Variants in EML1 observed in about 807,000 individuals in gnomAD.
The protein encoded by EML1 is echinoderm microtubule-associated protein-like 1.
In EML1, 27 loss-of-function variants were observed where a neutral mutation model predicts 110.4. That is an observed-to-expected ratio of 0.24 (90% CI 0.18 to 0.34). The LOEUF (loss-of-function observed/expected upper bound fraction) is 0.34. Ranked by LOEUF, EML1 falls within the 10% of genes least tolerant of loss-of-function variation. The pLI is 1.00. For synonymous variants in EML1, 344 were observed against 385.8 expected, an observed-to-expected ratio of 0.89 and a Z score of 1.27; for missense variants, 741 against 1,030.9, an observed-to-expected ratio of 0.72 and a Z score of 3.85.
intron 2 of EML1, among the ~76,000 whole-genome samples, chr14:99,864,572 G>A (rs1040574656): frequency 2.0e-5 from 3 of 152,018 alleles, no homozygotes; most frequent in Non-Finnish European, 4.4e-5. Flanking sequence ...CCAACACTGG[G>A]AGGCCGAGGC....
intron 4 of EML1, among the ~76,000 whole-genome samples, chr14:99,883,029 C>T (rs73360319): frequency 0.031 from 4,705 of 152,154 alleles, 233 homozygotes; most frequent in African/African-American, 0.11. Context: ...CTCTTCAGGG[C>T]GCAAAGTTGT....
chr14:99,903,029 T>G (rs1186270172), intron 9 of EML1, among the ~76,000 whole-genome samples: 1 of 152,262 alleles, frequency 6.6e-6, no homozygotes, highest in East Asian at 1.9e-4. Flanking sequence ...TGCAATTAAC[T>G]ATATTGCCAT....
At position 99,878,518 on chromosome 14, in the gene EML1, G is replaced by T; in HGVS notation, c.417G>T (p.Val139=). 1 of 1,614,056 alleles carries T rather than the reference G, an allele frequency of 6.2e-7. No individual in the cohort carries two copies. Residue 139 remains valine, a synonymous_variant, in exon 4 of 22, where the codon GTG becomes GTT. Coordinates refer to ENST00000262233, the MANE Select transcript of EML1 (RefSeq NM_004434.3). ...AGAGGACCAGCTCTTCTGAACGAGT[G>T]TCTCCTGGGGGTCGAAGGGAAAGCA... The part of the protein sequence containing the change: ...NIKRTSSSER[V]SPGGRRESNG...
intron 1 of EML1, chr14:99,850,021 C>T (rs970972921): frequency 1.6e-5 from 5 of 313,738 alleles, no homozygotes; most frequent in Admixed American, 4.2e-5. Context: ...CTTGACCTCT[C>T]GGGCCCCAAG....
chr14:99,931,077 C>T (rs1187189548), intron 17 of EML1, among the ~76,000 whole-genome samples: 1 of 152,192 alleles, frequency 6.6e-6, no homozygotes, highest in Non-Finnish European at 1.5e-5. Flanking sequence ...ACCCCTGCCA[C>T]CCAGCCAACC....
At chr14:99,822,106 A>T (rs2058273846) in intron 1 of EML1, among the ~76,000 whole-genome samples, 1 of 152,208 alleles carries the variant, frequency 6.6e-6, no homozygotes, top group South Asian at 2.1e-4. Flanking sequence ...AGGTGGTTGC[A>T]GATGATTGCA....
chr14:99,839,499 A>G (rs2058599517), intron 1 of EML1, among the ~76,000 whole-genome samples: 2 of 152,150 alleles, frequency 1.3e-5, no homozygotes, highest in South Asian at 4.1e-4. Context: ...TTTAAACTCC[A>G]TGTCATCCAA....
chr14:99,848,079 C>CT (rs987620039), intron 1 of EML1, among the ~76,000 whole-genome samples: 39 of 151,906 alleles, frequency 2.6e-4, no homozygotes, highest in African/African-American at 8.9e-4. Flanking sequence ...TTTTACTTGT[C>CT]TTTTTTGTAC....
At chr14:99,738,463 C>T in intron 1 of EML1, among the ~76,000 whole-genome samples, 1 of 152,238 alleles carries the variant, frequency 6.6e-6, no homozygotes, top group Admixed American at 6.5e-5. Context: ...GGACTGGCCA[C>T]CTATGTGCCT....
intron 1 of EML1, among the ~76,000 whole-genome samples, chr14:99,754,986 C>T (rs1367684474): frequency 1.3e-5 from 2 of 152,238 alleles, no homozygotes; most frequent in African/African-American, 2.4e-5. Context: ...AGCTGTAATC[C>T]CGCTAATGGT....
At chr14:99,835,302 C>T (rs2058522011) in intron 1 of EML1, among the ~76,000 whole-genome samples, 1 of 152,062 alleles carries the variant, frequency 6.6e-6, no homozygotes, top group South Asian at 2.1e-4. Context: ...ATCTATCGAT[C>T]TGTAGTAATG....
intron 1 of EML1, among the ~76,000 whole-genome samples, chr14:99,743,763 A>T (rs2057072335): frequency 6.6e-6 from 1 of 152,230 alleles, no homozygotes; most frequent in South Asian, 2.1e-4. Context: ...CTATGACAAG[A>T]GATGCAGGTT....
At chr14:99,816,624 G>A (rs1380310181) in intron 1 of EML1, among the ~76,000 whole-genome samples, 1 of 152,206 alleles carries the variant, frequency 6.6e-6, no homozygotes, top group Non-Finnish European at 1.5e-5. Flanking sequence ...GACCCACATT[G>A]CTTCTTAGTT....
intron 1 of EML1, among the ~76,000 whole-genome samples, chr14:99,802,402 G>A (rs773664663): frequency 6.6e-6 from 1 of 152,114 alleles, no homozygotes; most frequent in Non-Finnish European, 1.5e-5. Context: ...GGGGAGGGCA[G>A]GTGGGAAGGG....
At chr14:99,799,491 AGACT>A (rs1444834477) in intron 1 of EML1, among the ~76,000 whole-genome samples, 32 of 152,364 alleles carry the variant, frequency 2.1e-4, no homozygotes, top group African/African-American at 7.5e-4. Flanking sequence ...CAGTGACAGA[AGACT>A]GACTGAGGCA....
intron 1 of EML1, among the ~76,000 whole-genome samples, chr14:99,763,428 A>G: frequency 6.6e-6 from 1 of 152,156 alleles, no homozygotes; most frequent in East Asian, 1.9e-4. Flanking sequence ...AACCCTCTTC[A>G]TAGCAGCACA....
chr14:99,863,701 T>C (rs2059042311), intron 2 of EML1, among the ~76,000 whole-genome samples: 1 of 152,274 alleles, frequency 6.6e-6, no homozygotes, highest in Admixed American at 6.5e-5. Context: ...TTCCATTGTA[T>C]GGATGGGTCA....
At chr14:99,815,282 CA>C (rs1290299779) in intron 1 of EML1, among the ~76,000 whole-genome samples, 2 of 151,906 alleles carry the variant, frequency 1.3e-5, no homozygotes, top group Non-Finnish European at 2.9e-5. Flanking sequence ...GCTGGGACTA[CA>C]GGCACCTGCC....
chr14:99,899,153 A>C (rs919687241), intron 8 of EML1, among the ~76,000 whole-genome samples: 12 of 151,572 alleles, frequency 7.9e-5, no homozygotes, highest in African/African-American at 2.9e-4. Flanking sequence ...TTTGATATCT[A>C]CTTTTATATA....
Sources: allele counts gnomAD v4.1 joint callset (sites outside exome capture counted in the v4.1 genomes callset), GRCh38; gene constraint gnomAD v4.1.1; transcripts MANE v1.5; gene names NCBI Gene and HGNC (gene_info 2026-07-23, HGNC 2026-07-21).